CD96: variants seen among roughly 807,000 people sequenced by gnomAD.
CD96 encodes the protein T-cell surface protein tactile.
Under a neutral mutation model 71.3 loss-of-function variants are expected in CD96, and 70 were observed. The ratio of observed to expected loss-of-function variants is 0.98; its 90% CI spans 0.81 to 1.20. CD96 has a LOEUF of 1.20. CD96 is among the 50% of genes most tolerant of loss of function. The pLI, the probability that CD96 is intolerant of heterozygous loss-of-function variation, is 0.00. For missense variants in CD96, 742 were observed against 677.5 expected, an observed-to-expected ratio of 1.10 and a Z score of -1.06; for synonymous variants, 248 against 233.0, an observed-to-expected ratio of 1.06 and a Z score of -0.59.
In CD96 at chr3:111,627,042, T is replaced by A. The variant is rs563340237; in HGVS notation, c.1321+2638T>A. Among the ~76,000 whole-genome samples, 18 of 152,010 alleles carry A rather than the reference T, an allele frequency of 1.2e-4. 1 individual carries two copies. The South Asian group carries it at 3.5e-3, about 30-fold the overall frequency. On this transcript the variant is annotated intron_variant, in intron 10 of 13. Coordinates refer to ENST00000352690, the MANE Select transcript of CD96 (RefSeq NM_005816.5). The stretch of plus-strand genomic sequence containing the variant: ...GTGTACATGAGTAGGAGTGAGAGGG[T>A]ATTAAGAGGGTGAAAAATATGTTCA...
At chr3:111,561,667 T>C (rs1935418780) in intron 2 of CD96, among the ~76,000 whole-genome samples, 1 of 132,750 alleles carries the variant, frequency 7.5e-6, no homozygotes, top group Admixed American at 7.7e-5. Flanking sequence ...TTTTTGTTTG[T>C]CTGTGCCCTG....
At chr3:111,563,572 C>T (rs139075724) in intron 2 of CD96, among the ~76,000 whole-genome samples, 404 of 152,140 alleles carry the variant, frequency 2.7e-3, no homozygotes, top group African/African-American at 9.1e-3. Flanking sequence ...TCAATTTCCA[C>T]GGCCCTAAAA....
In CD96 at chr3:111,571,072, A is replaced by G. The variant is rs1362486038; in HGVS notation, c.543+3425A>G. On this transcript the variant is annotated intron_variant, in intron 3 of 13. Coordinates refer to ENST00000352690, the MANE Select transcript of CD96 (RefSeq NM_005816.5). ...CCCTCCAGGCTGTGGGGTAGGAGGT[A>G]GGTCAAGTGGAGACTAAGACCCGGG... 6 of 936,890 alleles carry G rather than the reference A, an allele frequency of 6.4e-6. No individual in the cohort carries two copies. In the East Asian group the frequency reaches 1.2e-4, roughly 19 times the overall value. The allele number at this position is 936,890 out of a possible 1,614,324, so 58.0% of individuals were successfully genotyped here.
intron 3 of CD96, chr3:111,571,132 T>C: frequency 1.5e-6 from 1 of 684,090 alleles, no homozygotes; most frequent in African/African-American, 1.8e-5. Flanking sequence ...GCACATGCTG[T>C]TCCCTCTACC....
chr3:111,617,101 G>A (rs1470647161), intron 8 of CD96, among the ~76,000 whole-genome samples: 1 of 152,220 alleles, frequency 6.6e-6, no homozygotes, highest in African/African-American at 2.4e-5. Flanking sequence ...CCAGACTTTG[G>A]GCGCCAAGGA....
At chr3:111,639,178 G>A (rs975779316) in intron 12 of CD96, among the ~76,000 whole-genome samples, 2 of 152,154 alleles carry the variant, frequency 1.3e-5, no homozygotes, top group Non-Finnish European at 2.9e-5. Context: ...GACAGCCTCT[G>A]TAGCACCCAG....
chr3:111,585,106 A>G (rs1936645381), intron 4 of CD96, among the ~76,000 whole-genome samples: 1 of 152,212 alleles, frequency 6.6e-6, no homozygotes, highest in Admixed American at 6.5e-5. Flanking sequence ...AGATTTCTTA[A>G]GAACAGTGAA....
chr3:111,615,355 A>C (rs536618695), intron 8 of CD96, among the ~76,000 whole-genome samples: 1 of 152,348 alleles, frequency 6.6e-6, no homozygotes, highest in South Asian at 2.1e-4. Context: ...GGGAGACAGG[A>C]GAATGCAGAA....
At chr3:111,597,839 C>A (rs1196531402) in intron 5 of CD96, among the ~76,000 whole-genome samples, 1 of 152,086 alleles carries the variant, frequency 6.6e-6, no homozygotes, top group Non-Finnish European at 1.5e-5. Flanking sequence ...AAGATTTCTC[C>A]TTTACAGAAC....
intron 3 of CD96, chr3:111,570,616 A>T: frequency 6.3e-7 from 1 of 1,579,616 alleles, no homozygotes; most frequent in Non-Finnish European, 8.7e-7. Flanking sequence ...GAGATGTGAG[A>T]CACCAGGCGC....
At chr3:111,624,204 C>T (rs939520960) in intron 9 of CD96, 129 bp from the exon 10 acceptor site, 2 of 729,514 alleles carry the variant, frequency 2.7e-6, no homozygotes, top group African/African-American at 3.5e-5. Flanking sequence ...AGTGTTCCTG[C>T]ATAGGGAAGC....
At chr3:111,542,870 G>A (rs896662865) in intron 1 of CD96, among the ~76,000 whole-genome samples, 1 of 152,182 alleles carries the variant, frequency 6.6e-6, no homozygotes, top group Non-Finnish European at 1.5e-5. Flanking sequence ...AGAGCCTAAT[G>A]GGCCTATTTA....
At chr3:111,634,729 T>C (rs368815983) in intron 10 of CD96, 28 of 152,160 alleles carry the variant, frequency 1.8e-4, no homozygotes, top group African/African-American at 5.3e-4. Context: ...AAACCCCGTC[T>C]CTACTAAAAA....
intron 14 of CD96, among the ~76,000 whole-genome samples, chr3:111,658,451 AT>A: frequency 6.6e-6 from 1 of 152,228 alleles, no homozygotes; most frequent in Non-Finnish European, 1.5e-5. Flanking sequence ...AGAAGTTATC[AT>A]TTTGTAATCA....
At chr3:111,648,939 A>G (rs1559779157) in intron 13 of CD96, among the ~76,000 whole-genome samples, 2 of 152,246 alleles carry the variant, frequency 1.3e-5, no homozygotes, top group African/African-American at 4.8e-5. Context: ...GATTACTTGT[A>G]CTAACATAAA....
chr3:111,628,031 A>G (rs1036992667), intron 10 of CD96, among the ~76,000 whole-genome samples: 1 of 152,224 alleles, frequency 6.6e-6, no homozygotes, highest in Admixed American at 6.5e-5. Flanking sequence ...ATAAGCCCAC[A>G]AAGATGAGAA....
intron 4 of CD96, among the ~76,000 whole-genome samples, chr3:111,582,889 T>A (rs1393151741): frequency 2.0e-5 from 3 of 152,096 alleles, no homozygotes; most frequent in African/African-American, 7.2e-5. Flanking sequence ...CCAAACCATA[T>A]AATTTCACCC....
At chr3:111,584,215 T>G (rs1349655056) in intron 4 of CD96, among the ~76,000 whole-genome samples, 1 of 152,178 alleles carries the variant, frequency 6.6e-6, no homozygotes, top group Non-Finnish European at 1.5e-5. Context: ...AGAGTCACCT[T>G]TGCTCCAGTT....
intron 2 of CD96, among the ~76,000 whole-genome samples, chr3:111,567,292 G>A (rs954491062): frequency 5.9e-5 from 9 of 152,066 alleles, no homozygotes; most frequent in African/African-American, 2.2e-4. Context: ...ATTCTGTTGG[G>A]GTCATTTCCT....
Sources: gnomAD v4.1 joint callset for allele counts (sites outside exome capture counted in the v4.1 genomes callset) on GRCh38, gnomAD v4.1.1 for gene constraint, MANE v1.5 for transcripts, NCBI Gene and HGNC (gene_info 2026-07-23, HGNC 2026-07-21) for gene names.